ANGPT4: variants seen among roughly 807,000 people sequenced by gnomAD.
The protein encoded by ANGPT4 is angiopoietin-4.
In ANGPT4, 50 loss-of-function variants were observed where a neutral mutation model predicts 53.0. The ratio of observed to expected loss-of-function variants is 0.94; its 90% CI spans 0.75 to 1.20. The LOEUF is 1.20. Ranked by LOEUF, ANGPT4 falls within the 50% of genes most tolerant of loss-of-function variation. ANGPT4 has a pLI of 0.00. For missense variants in ANGPT4, 648 were observed against 637.1 expected (o/e 1.02, Z -0.18); for synonymous variants, 251 against 259.7 (o/e 0.97, Z 0.32).
Position 885,273 on chromosome 20 carries a change from C to G in ANGPT4, c.640G>C (p.Ala214Pro). The G allele has an allele frequency of 6.3e-7, 1 of 1,582,102 alleles. No individual in the cohort carries two copies. The highest frequency in any genetic ancestry group is 2.3e-5 in the East Asian group (1 of 43,772). ...ALETKQQEEL[A>P]SILSKKAKLL... is the part of the protein sequence containing the mutation. ...TTCGCCTTCTTGCTGAGGATGCTGG[C>G]CAGCTCCTCCTGCTGCTTGGTCTCC... Residue 214 changes from alanine to proline, a missense_variant, in exon 4 of 9, where the codon GCC becomes CCC. Transcript: ENST00000381922.
intron 1 of ANGPT4, 60 bp downstream of exon 1, chr20:915,846 C>A: frequency 3.3e-6 from 5 of 1,510,022 alleles, no homozygotes; most frequent in Non-Finnish European, 4.4e-6. Context: ...ACTCCACCTG[C>A]TGATTGTGAC....
intron 1 of ANGPT4, among the ~76,000 whole-genome samples, chr20:910,786 C>T (rs1390343365): frequency 2.0e-5 from 3 of 152,080 alleles, no homozygotes; most frequent in Non-Finnish European, 4.4e-5. Context: ...TGGGGGAAGT[C>T]GTCAGGGGGT....
rs947134921 is a variant in ANGPT4, at chr20:870,565, G to A, written c.*2395C>T. ...AAAATTACATAAAGAACAGGTGTCT[G>A]AGGATAACTCAAATCAGCTTCCTGC... On this transcript the variant is annotated 3_prime_UTR_variant, in exon 9 of 9. Transcript: ENST00000381922. 2 of 152,174 alleles carry A rather than the reference G, an allele frequency of 1.3e-5. No homozygotes were observed. The highest frequency in any genetic ancestry group is 2.1e-4 in the South Asian group (1 of 4,818). The allele number at this position is 152,174 out of a possible 1,614,324, so 9.4% of individuals were successfully genotyped here.
At position 889,402 on chromosome 20, in the gene ANGPT4, C is replaced by T. The variant is rs117717308; in HGVS notation, c.465+811G>A. On this transcript the variant is annotated intron_variant, in intron 2 of 8. Transcript: ENST00000381922. ...GCATACCTAGGCTATATGAGACAGC[C>T]TATTGCTCCTAAGCTACAAATCCAT... is the stretch of plus-strand genomic sequence containing the variant. 1.1e-3 allele frequency among the ~76,000 whole-genome samples: 160 copies of T among 152,286 alleles called. 1 individual carries two copies. In the East Asian group the frequency reaches 0.022, roughly 21 times the overall value.
In ANGPT4 at chr20:908,596, G is replaced by A. The variant is rs1313790823; in HGVS notation, c.309+7310C>T. Among the ~76,000 whole-genome samples the A allele has an allele frequency of 1.3e-5, 2 of 152,170 alleles. No individual in the cohort carries two copies. The highest frequency in any genetic ancestry group is 3.9e-4 in the East Asian group (2 of 5,186). On this transcript the variant is annotated intron_variant, in intron 1 of 8. Transcript: ENST00000381922. The surrounding 1 kb of genome is among the most constrained non-coding windows in gnomAD (Gnocchi z 4.9). ...AGGTTAGTTACACCCACTGCTCCAG[G>A]GGCAAGGGGGAAGGATGGTCTTCCT...
chr20:897,634 A>AC (rs1357696020), intron 1 of ANGPT4, among the ~76,000 whole-genome samples: 8 of 152,124 alleles, frequency 5.3e-5, no homozygotes, highest in African/African-American at 1.9e-4. Context: ...TTGGTCATTC[A>AC]CCCACATTCC....
chr20:905,086 C>G (rs1982426399), intron 1 of ANGPT4, among the ~76,000 whole-genome samples: 1 of 152,146 alleles, frequency 6.6e-6, no homozygotes, highest in Non-Finnish European at 1.5e-5. Flanking sequence ...AAAGCATCTC[C>G]CACCAGCTTC....
chr20:877,849 C>G (rs76761392), intron 7 of ANGPT4, among the ~76,000 whole-genome samples: 2,221 of 152,348 alleles, frequency 0.015, 62 homozygotes, highest in African/African-American at 0.051. Context: ...GGGCAAGTCA[C>G]CTCCTTTTGC....
intron 5 of ANGPT4, 57 bp downstream of exon 5, chr20:881,114 G>GGGAA (rs148734460): frequency 0.097 from 131,853 of 1,364,178 alleles, 7,083 homozygotes; most frequent in South Asian, 0.13. Flanking sequence ...GTGTCTGTTT[G>GGGAA]GGAAGCCCTT....
chr20:883,466 A>C (rs930949640), intron 4 of ANGPT4, among the ~76,000 whole-genome samples: 2 of 152,192 alleles, frequency 1.3e-5, no homozygotes, highest in Admixed American at 1.3e-4. Context: ...CCATGCAGAG[A>C]GCTAGTGCTC....
chr20:897,704 A>G (rs1383187228), intron 1 of ANGPT4, among the ~76,000 whole-genome samples: 2 of 152,092 alleles, frequency 1.3e-5, no homozygotes, highest in African/African-American at 2.4e-5. Flanking sequence ...ATTACAGCCC[A>G]GGGCTGCTCA....
intron 4 of ANGPT4, among the ~76,000 whole-genome samples, chr20:884,292 T>C (rs1314469086): frequency 6.6e-6 from 1 of 152,220 alleles, no homozygotes; most frequent in Non-Finnish European, 1.5e-5. Flanking sequence ...ATCTGGCACA[T>C]ATTATGCACT....
chr20:893,042 C>T (rs1255616389), intron 1 of ANGPT4, among the ~76,000 whole-genome samples: 3 of 152,212 alleles, frequency 2.0e-5, no homozygotes, highest in Non-Finnish European at 4.4e-5. Context: ...CGGCAGGGCC[C>T]CCATGGCCCA....
rs1282747994 is a variant in ANGPT4 at position 908,464 on chromosome 20, A to G, written c.309+7442T>C. On this transcript the variant is annotated intron_variant, in intron 1 of 8. Transcript: ENST00000381922. The surrounding 1 kb of genome is among the most constrained non-coding windows in gnomAD (Gnocchi z 4.9). ...AGATCTCAGCTCTGTCCTTCTTCCT[A>G]GTGCCTCCCTCCCTCAAGGTCAGGC... Among the ~76,000 whole-genome samples the G allele has an allele frequency of 6.6e-6, 1 of 152,016 alleles. No homozygotes were observed. Among genetic ancestry groups the G allele is most frequent in the Non-Finnish European group, 1.5e-5 (1 of 68,008 alleles).
Position 890,265 on chromosome 20 carries a change from A to C in ANGPT4, c.413T>G (p.Leu138Arg). The change falls in exon 2 of 9, where the codon CTC becomes CGC. Residue 138 changes from leucine to arginine, a missense_variant. Leu to Arg is a moderately radical substitution (Grantham distance 102). Transcript: ENST00000381922. Reference sequence around the variant, plus strand: ...GATCTGGGCAGTGGTCTGGTTCAGGAGGCTGGTGCCCAGCTCTAGCATGGG... The same window carrying C: ...GATCTGGGCAGTGGTCTGGTTCAGGCGGCTGGTGCCCAGCTCTAGCATGGG... ...TAPMLELGTS[L>R]LNQTTAQIRK... 6.2e-7 allele frequency: 1 copy of C among 1,614,030 alleles called. No homozygotes were observed. The highest frequency in any genetic ancestry group is 8.5e-7 in the Non-Finnish European group (1 of 1,179,994).
chr20:872,913 A>C lies in ANGPT4; in HGVS notation c.*47T>G. Reference sequence around the variant, plus strand: ...TGGGTCCAGGTTGTCCAGGAGTGCCAAGTCCGAGCTTCTCCTGTGTGGTCC... The same window carrying C: ...TGGGTCCAGGTTGTCCAGGAGTGCCCAGTCCGAGCTTCTCCTGTGTGGTCC... On this transcript the variant is annotated 3_prime_UTR_variant, in exon 9 of 9. Transcript: ENST00000381922. 1 of 1,607,834 alleles carries C rather than the reference A, an allele frequency of 6.2e-7. No individual in the cohort carries two copies. The highest frequency in any genetic ancestry group is 1.1e-5 in the South Asian group (1 of 90,762).
chr20:873,050 G>A lies in ANGPT4; in HGVS notation c.1422C>T (p.Tyr474=), dbSNP rs1467941768. The change falls in exon 9 of 9, where the codon TAC becomes TAT. Residue 474 remains tyrosine, a synonymous_variant. Transcript: ENST00000381922. ...GVYYHAPDNK[Y]KMDGIRWHYF... ...AGTGCCAGCGGATGCCGTCCATCTT[G>A]TACTTGTTGTCGGGAGCGTGGTAGT... The A allele has an allele frequency of 6.2e-7, 1 of 1,614,110 alleles. No homozygotes were observed. Among genetic ancestry groups the A allele is most frequent in the Admixed American group, 1.7e-5 (1 of 60,018 alleles).
In ANGPT4 at chr20:890,369, C is replaced by G. The variant is rs13038240; in HGVS notation, c.310-1G>C. On this transcript the variant is annotated splice_acceptor_variant, in intron 1 of 8. Coordinates refer to ENST00000381922, the MANE Select transcript of ANGPT4 (RefSeq NM_015985.4). LOFTEE classifies it high-confidence loss of function. ...AGATCGTCTTGATGGCCCTCTCTAG[C>G]TGTGGGAGACCATGGGCTGGGGTCA... 2 of 1,598,594 alleles carry G rather than the reference C, an allele frequency of 1.3e-6. No homozygotes were observed. The highest frequency in any genetic ancestry group is 2.7e-5 in the African/African-American group (2 of 74,718).
rs777266158 is a variant in ANGPT4, at chr20:890,278, G to T, written c.400C>A (p.Leu134Met). 1.2e-6 allele frequency: 2 copies of T among 1,613,976 alleles called. No homozygotes were observed. The highest frequency in any genetic ancestry group is 4.5e-5 in the East Asian group (2 of 44,872). The change falls in exon 2 of 9, where the codon CTG becomes ATG. Residue 134 changes from leucine (L) to methionine (M), a missense_variant. Coordinates refer to ENST00000381922, the MANE Select transcript of ANGPT4 (RefSeq NM_015985.4). ...GTCTGGTTCAGGAGGCTGGTGCCCA[G>T]CTCTAGCATGGGGGCCGTCTGATTC... ...AQNQTAPMLE[L>M]GTSLLNQTTA...
Sources: gnomAD v4.1 joint callset for allele counts (sites outside exome capture counted in the v4.1 genomes callset) on GRCh38, gnomAD v4.1.1 for gene constraint, Gnocchi (gnomAD v3.1) non-coding constraint, MANE v1.5 for transcripts, NCBI Gene and HGNC (gene_info 2026-07-23, HGNC 2026-07-21) for gene names.